The following ARHGAP24 variants were observed in gnomAD, a reference collection of about 807,000 sequenced individuals.
ARHGAP24 encodes rho GTPase-activating protein 24.
In ARHGAP24, 50 loss-of-function variants were observed where a neutral mutation model predicts 76.4. That is an observed-to-expected ratio of 0.65 (90% CI 0.52 to 0.83). The LOEUF is 0.83. ARHGAP24 is among the 40% of genes least tolerant of loss of function. ARHGAP24 has a pLI of 0.00. For missense variants in ARHGAP24, 930 were observed against 914.2 expected (o/e 1.02, Z -0.22); for synonymous variants, 345 against 323.3 (o/e 1.07, Z -0.72).
At chr4:85,896,048 G>C (rs142693928) in intron 3 of ARHGAP24, among the ~76,000 whole-genome samples, 1 of 152,120 alleles carries the variant, frequency 6.6e-6, no homozygotes, top group African/African-American at 2.4e-5. Flanking sequence ...TTACTTTATT[G>C]AAACAAAAAC....
chr4:85,674,505 A>T (rs979283656), intron 2 of ARHGAP24, among the ~76,000 whole-genome samples: 1 of 152,244 alleles, frequency 6.6e-6, no homozygotes, highest in Non-Finnish European at 1.5e-5. Flanking sequence ...TTTATATTTT[A>T]TACTTTCATA....
chr4:85,491,595 G>T (rs1393353243), intron 1 of ARHGAP24, among the ~76,000 whole-genome samples: 1 of 152,172 alleles, frequency 6.6e-6, no homozygotes, highest in Non-Finnish European at 1.5e-5. Flanking sequence ...TGCTGAGTAG[G>T]AGTCCCAAGA....
intron 1 of ARHGAP24, among the ~76,000 whole-genome samples, chr4:85,503,160 G>T (rs1278376882): frequency 6.6e-6 from 1 of 152,198 alleles, no homozygotes; most frequent in Non-Finnish European, 1.5e-5. Context: ...GAACATCAGG[G>T]ATATGGGTCT....
In ARHGAP24 at chr4:85,656,079, C is replaced by A. The variant is rs1426545878; in HGVS notation, c.181-65806C>A. Among the ~76,000 whole-genome samples the A allele has an allele frequency of 2.0e-5, 3 of 152,158 alleles. No homozygotes were observed. The South Asian group carries it at 6.2e-4, about 32-fold the overall frequency. On this transcript the variant is annotated intron_variant, in intron 2 of 9. Transcript: ENST00000395184. ...ATTTGCCTACAGCTATTGCAACTTG[C>A]ATGGCCACTTATAATCCTATATTCT...
At chr4:85,804,871 G>A (rs983463633) in intron 3 of ARHGAP24, among the ~76,000 whole-genome samples, 5 of 152,094 alleles carry the variant, frequency 3.3e-5, no homozygotes, top group African/African-American at 1.2e-4. Context: ...CTTCCCATCT[G>A]CAATTTTTAG....
At chr4:85,683,119 G>GT (rs1553922584) in intron 2 of ARHGAP24, among the ~76,000 whole-genome samples, 1 of 80,004 alleles carries the variant, frequency 1.2e-5, no homozygotes, top group African/African-American at 5.1e-5. Context: ...TGGGGGGGTG[G>GT]GGGGGGGGTG....
intron 3 of ARHGAP24, among the ~76,000 whole-genome samples, chr4:85,792,435 TAA>T (rs1728172494): frequency 6.6e-6 from 1 of 152,134 alleles, no homozygotes; most frequent in South Asian, 2.1e-4. Flanking sequence ...TCAGTAACAA[TAA>T]ATATTTTCTT....
chr4:85,637,177 C>T (rs780766794), intron 2 of ARHGAP24, among the ~76,000 whole-genome samples: 13 of 152,022 alleles, frequency 8.6e-5, no homozygotes, highest in Non-Finnish European at 1.6e-4. Context: ...CTGATGCATA[C>T]TCATAAGGTG....
intron 2 of ARHGAP24, among the ~76,000 whole-genome samples, chr4:85,699,543 A>G (rs1047166955): frequency 2.0e-5 from 3 of 152,120 alleles, no homozygotes; most frequent in Non-Finnish European, 4.4e-5. Flanking sequence ...TTGAGGCTGC[A>G]GTGAGCTATG....
intron 3 of ARHGAP24, among the ~76,000 whole-genome samples, chr4:85,814,630 C>CT (rs1488439655): frequency 6.6e-6 from 1 of 152,204 alleles, no homozygotes; most frequent in Non-Finnish European, 1.5e-5. Flanking sequence ...AGCTCCACCC[C>CT]TATGGCTTTT....
chr4:85,774,882 A>G (rs1578215002), intron 3 of ARHGAP24, among the ~76,000 whole-genome samples: 1 of 152,212 alleles, frequency 6.6e-6, no homozygotes. Context: ...AAGTATAATT[A>G]ATTCATTAAA....
intron 3 of ARHGAP24, among the ~76,000 whole-genome samples, chr4:85,851,108 A>C (rs1453945490): frequency 6.6e-6 from 1 of 152,092 alleles, no homozygotes; most frequent in Non-Finnish European, 1.5e-5. Flanking sequence ...GTCTCTAAGG[A>C]CTTGCTTTAT....
intron 3 of ARHGAP24, among the ~76,000 whole-genome samples, chr4:85,880,481 T>C (rs551937470): frequency 1.3e-5 from 2 of 152,116 alleles, no homozygotes; most frequent in African/African-American, 4.8e-5. Flanking sequence ...TAATGGCTTT[T>C]CCGCCTTAAC....
At chr4:85,539,415 C>T (rs1356315064) in intron 1 of ARHGAP24, among the ~76,000 whole-genome samples, 1 of 152,016 alleles carries the variant, frequency 6.6e-6, no homozygotes, top group Non-Finnish European at 1.5e-5. Context: ...TTTCAAACAA[C>T]ATTTTAATGT....
intron 3 of ARHGAP24, among the ~76,000 whole-genome samples, chr4:85,810,431 C>T (rs1358723619): frequency 1.3e-5 from 2 of 152,096 alleles, no homozygotes; most frequent in African/African-American, 4.8e-5. Flanking sequence ...AGAATAGTGC[C>T]GTTGTCAGAT....
intron 2 of ARHGAP24, among the ~76,000 whole-genome samples, chr4:85,659,631 C>T (rs1395157747): frequency 6.6e-6 from 1 of 151,944 alleles, no homozygotes; most frequent in Non-Finnish European, 1.5e-5. Flanking sequence ...AAATTATCTC[C>T]CTTCATTTTG....
intron 1 of ARHGAP24, among the ~76,000 whole-genome samples, chr4:85,498,023 C>T (rs1194557704): frequency 1.3e-5 from 2 of 152,052 alleles, no homozygotes; most frequent in Non-Finnish European, 2.9e-5. Flanking sequence ...TCCTTTTTCT[C>T]TTAAGTTGGT....
At chr4:85,651,900 TAAG>T (rs1429717691) in intron 2 of ARHGAP24, among the ~76,000 whole-genome samples, 1 of 152,104 alleles carries the variant, frequency 6.6e-6, no homozygotes, top group Non-Finnish European at 1.5e-5. Flanking sequence ...TTAGATAAAA[TAAG>T]AACAGATGGG....
intron 3 of ARHGAP24, among the ~76,000 whole-genome samples, chr4:85,866,838 G>C (rs577680413): frequency 6.6e-6 from 1 of 152,084 alleles, no homozygotes; most frequent in Non-Finnish European, 1.5e-5. Context: ...TGGTTGGAGG[G>C]AAAGGGAAAT....
Sources: allele counts gnomAD v4.1 joint callset (sites outside exome capture counted in the v4.1 genomes callset), GRCh38; gene constraint gnomAD v4.1.1; transcripts MANE v1.5; gene names NCBI Gene and HGNC (gene_info 2026-07-23, HGNC 2026-07-21).